Variants in FAXDC2 observed in about 807,000 individuals in gnomAD.
The protein encoded by FAXDC2 is fatty acid hydroxylase domain containing 2.
A neutral mutation model predicts 40.9 loss-of-function variants in FAXDC2; 41 were observed. That is an observed-to-expected ratio of 1.00 (90% CI 0.78 to 1.30). The LOEUF is 1.30. FAXDC2 is among the 50% of genes most tolerant of loss of function. The pLI is 0.00. For synonymous variants in FAXDC2, 157 were observed against 149.3 expected, an observed-to-expected ratio of 1.05 and a Z score of -0.38; for missense variants, 390 against 408.8, an observed-to-expected ratio of 0.95 and a Z score of 0.40.
intron 3 of FAXDC2, 54 bp downstream of exon 3, chr5:154,834,789 G>A: frequency 6.3e-7 from 1 of 1,590,222 alleles, no homozygotes; most frequent in Non-Finnish European, 8.6e-7. Context: ...CTTCCCCTAT[G>A]CTCTGCCCCC....
chr5:154,833,360 T>A (rs2113148209), intron 4 of FAXDC2, among the ~76,000 whole-genome samples: 1 of 150,644 alleles, frequency 6.6e-6, no homozygotes. Flanking sequence ...GTTTTTTTTT[T>A]TTTGAGACAG....
At chr5:154,845,310 A>G (rs972457581) in intron 1 of FAXDC2, among the ~76,000 whole-genome samples, 4 of 152,250 alleles carry the variant, frequency 2.6e-5, no homozygotes, top group Non-Finnish European at 4.4e-5. Context: ...GAAGCTCCTT[A>G]ACATTGTTTG....
At position 154,820,026 on chromosome 5, in the gene FAXDC2, C is replaced by G. The variant is rs1343360245; in HGVS notation, c.*290G>C. 3 of 274,184 alleles carry G rather than the reference C, an allele frequency of 1.1e-5. No homozygotes were observed. The allele number at this position is 274,184 out of a possible 1,614,324, so 17.0% of individuals were successfully genotyped here. On this transcript the variant is annotated 3_prime_UTR_variant, in exon 9 of 9. Transcript: ENST00000326080. Reference sequence around the variant, plus strand: ...TATCTGGGGCTGAACCCCTCTCCTTCCACAGCAGAGGACCAGGGGTCTCCT... The same window carrying G: ...TATCTGGGGCTGAACCCCTCTCCTTGCACAGCAGAGGACCAGGGGTCTCCT...
In FAXDC2 at chr5:154,848,618, A is replaced by G. The variant is rs537226806; in HGVS notation, c.-1+1865T>C. On this transcript the variant is annotated intron_variant, in intron 1 of 8. Transcript: ENST00000326080. ...TTTTGAGGAGCTGCTATGACTCAAC[A>G]TCTGTACTAATCTGAGGCTTATATA... Among the ~76,000 whole-genome samples, 3 of 152,274 alleles carry G rather than the reference A, an allele frequency of 2.0e-5. No homozygotes were observed. In the Middle Eastern group the frequency reaches 0.01, roughly 518 times the overall value.
intron 4 of FAXDC2, 131 bp from the exon 5 acceptor site, chr5:154,831,053 T>C: frequency 9.1e-7 from 1 of 1,101,462 alleles, no homozygotes; most frequent in Non-Finnish European, 1.3e-6. Context: ...TCTTAGGGCT[T>C]GGGACCAAGG....
intron 8 of FAXDC2, 38 bp from the exon 9 acceptor site, chr5:154,820,510 G>A: frequency 6.4e-7 from 1 of 1,564,422 alleles, no homozygotes; most frequent in Non-Finnish European, 8.7e-7. Context: ...GCCCATGCTG[G>A]AGGCTTCCGT....
intron 5 of FAXDC2, among the ~76,000 whole-genome samples, chr5:154,826,054 G>T (rs1018047501): frequency 2.0e-5 from 3 of 152,310 alleles, no homozygotes; most frequent in East Asian, 1.9e-4. Context: ...CTGGGCTAGA[G>T]AGATAAATGT....
chr5:154,849,424 T>C (rs1002444534), intron 1 of FAXDC2, among the ~76,000 whole-genome samples: 1 of 152,134 alleles, frequency 6.6e-6, no homozygotes, highest in Non-Finnish European at 1.5e-5. Flanking sequence ...TTCTGCTTGA[T>C]TGCATGTCCA....
intron 3 of FAXDC2, 38 bp downstream of exon 3, chr5:154,834,805 C>T: frequency 3.1e-6 from 5 of 1,595,378 alleles, no homozygotes; most frequent in Non-Finnish European, 4.3e-6. Context: ...CCCCCGACCA[C>T]CACCACACTG....
intron 2 of FAXDC2, among the ~76,000 whole-genome samples, chr5:154,835,883 C>CTTTTTTTTTTTTTTTTTTTTTTT (rs869068025): frequency 1.3e-4 from 6 of 47,868 alleles, no homozygotes; most frequent in South Asian, 6.6e-4. Flanking sequence ...GCCCGGCCGA[C>CTTTTTTTTTTTTTTTTTTTTTTT]TTTTTTTTTT....
rs1387732134 is a variant in FAXDC2, at chr5:154,823,461, G to A, written c.498C>T (p.Pro166=). 1 of 1,614,210 alleles carries A rather than the reference G, an allele frequency of 6.2e-7. No individual in the cohort carries two copies. Among genetic ancestry groups the A allele is most frequent in the Admixed American group, 1.7e-5 (1 of 60,026 alleles). ...GCTCCAGGAGGAACCAGTGGAAGGT[G>A]GGTAGCTCACGGCGGCAGGGGTCTC... ...WWRDPCRREL[P]TFHWFLLELA... is the part of the protein sequence containing the mutation. The change falls in exon 6 of 9, where the codon CCC becomes CCT. Residue 166 remains proline (P), a synonymous_variant. Coordinates refer to ENST00000326080, the MANE Select transcript of FAXDC2 (RefSeq NM_032385.5).
chr5:154,823,784 G>A lies in FAXDC2; in HGVS notation c.367-192C>T, dbSNP rs1759949259. 6 of 583,786 alleles carry A rather than the reference G, an allele frequency of 1.0e-5. No individual in the cohort carries two copies. In the South Asian group the frequency reaches 1.2e-4, roughly 12 times the overall value. The allele number at this position is 583,786 out of a possible 1,614,324, so 36.2% of individuals were successfully genotyped here. A position where few individuals can be genotyped will look rare whatever the true frequency, so the allele number is the denominator to read the frequency against. On this transcript the variant is annotated intron_variant, in intron 5 of 8. Coordinates refer to ENST00000326080, the MANE Select transcript of FAXDC2 (RefSeq NM_032385.5). The stretch of plus-strand genomic sequence containing the variant: ...ATAAGGCCCTGGCTGCTAGGCAGGT[G>A]AGTAATACCCCTGTCCTTGGAAACT...
chr5:154,830,894 G>C lies in FAXDC2; in HGVS notation c.273C>G (p.Phe91Leu). 6.2e-7 allele frequency: 1 copy of C among 1,614,182 alleles called. No individual in the cohort carries two copies. The highest frequency in any genetic ancestry group is 8.5e-7 in the Non-Finnish European group (1 of 1,179,990). Residue 91 changes from phenylalanine to leucine, a missense_variant, in exon 5 of 9, where the codon TTC becomes TTG. Transcript: ENST00000326080. The part of the protein sequence containing the change: ...IGAIQVPCLF[F>L]WSFNGLLLVV... ...CCAATAGAAGCCCATTGAAGCTCCA[G>C]AAGAAGAGACAAGGCACTTGGATGG...
At chr5:154,826,946 C>A (rs1693030753) in intron 5 of FAXDC2, among the ~76,000 whole-genome samples, 1 of 152,102 alleles carries the variant, frequency 6.6e-6, no homozygotes, top group Admixed American at 6.5e-5. Context: ...ATAATTCTTA[C>A]ATTATTTTTC....
At chr5:154,824,440 G>C in intron 5 of FAXDC2, 2 of 702,006 alleles carry the variant, frequency 2.8e-6, no homozygotes, top group East Asian at 2.7e-5. Flanking sequence ...GTTCAGAATG[G>C]TCCCCAGCTT....
chr5:154,827,991 A>G (rs755879690), intron 5 of FAXDC2, among the ~76,000 whole-genome samples: 4 of 151,340 alleles, frequency 2.6e-5, no homozygotes, highest in Non-Finnish European at 4.4e-5. Flanking sequence ...CTGGGACTAC[A>G]GGCAAACGCC....
At chr5:154,823,361 C>T (rs761792513) in intron 6 of FAXDC2, 26 bp downstream of exon 6, 1 of 1,607,906 alleles carries the variant, frequency 6.2e-7, no homozygotes, top group South Asian at 1.1e-5. Context: ...GAGGAGCCAG[C>T]TGTGCCTCAG....
chr5:154,824,679 A>G (rs972857707), intron 5 of FAXDC2: 3 of 654,458 alleles, frequency 4.6e-6, no homozygotes, highest in Non-Finnish European at 8.3e-6. Context: ...AGTACCCACT[A>G]TGTAGCACTC....
chr5:154,838,064 G>T, intron 2 of FAXDC2, 67 bp downstream of exon 2: 1 of 1,032,518 alleles, frequency 9.7e-7, no homozygotes, highest in Non-Finnish European at 1.5e-6. Context: ...TGCATAGCAA[G>T]TGCAGCTATG....
Sources: allele counts gnomAD v4.1 joint callset (sites outside exome capture counted in the v4.1 genomes callset), GRCh38; gene constraint gnomAD v4.1.1; transcripts MANE v1.5; gene names NCBI Gene and HGNC (gene_info 2026-07-23, HGNC 2026-07-21).